The following TIMP3 variants were observed in gnomAD, a reference collection of about 807,000 sequenced individuals.
The protein encoded by TIMP3 is TIMP metallopeptidase inhibitor 3.
Under a neutral mutation model 30.0 loss-of-function variants are expected in TIMP3, and 11 were observed. That is an observed-to-expected ratio of 0.37 (90% confidence interval 0.23 to 0.61). The LOEUF is 0.61. Among genes scored for constraint, TIMP3 ranks in the 20% least tolerant of loss-of-function variants. TIMP3 has a pLI of 0.70. For synonymous variants in TIMP3, 112 were observed against 111.3 expected (o/e 1.01, Z -0.04); for missense variants, 181 against 276.8 (o/e 0.65, Z 2.45).
intron 1 of TIMP3, among the ~76,000 whole-genome samples, chr22:32,832,541 GT>G (rs11295694): frequency 0.098 from 13,605 of 138,468 alleles, 595 homozygotes; most frequent in Middle Eastern, 0.15. Flanking sequence ...ATAAGCCTGG[GT>G]TTTTTTTTTT....
chr22:32,839,996 C>A (rs1386871264), intron 1 of TIMP3, among the ~76,000 whole-genome samples: 1 of 152,078 alleles, frequency 6.6e-6, no homozygotes, highest in Non-Finnish European at 1.5e-5. Flanking sequence ...GGCCCCTCCT[C>A]CCCTTCCCCG....
At chr22:32,804,247 G>A (rs2046665988) in intron 1 of TIMP3, among the ~76,000 whole-genome samples, 1 of 152,182 alleles carries the variant, frequency 6.6e-6, no homozygotes, top group African/African-American at 2.4e-5. Flanking sequence ...ATGAGCTAAT[G>A]CTTTTAAAAT....
intron 1 of TIMP3, among the ~76,000 whole-genome samples, chr22:32,844,219 G>A (rs938082939): frequency 2.0e-5 from 3 of 151,858 alleles, no homozygotes; most frequent in African/African-American, 7.3e-5. Context: ...GATAGAAGCA[G>A]AGAGAGAGAG....
intron 2 of TIMP3, among the ~76,000 whole-genome samples, chr22:32,854,428 G>A (rs2048307698): frequency 6.6e-6 from 1 of 152,154 alleles, no homozygotes; most frequent in Non-Finnish European, 1.5e-5. Flanking sequence ...CGAAGCACTA[G>A]GGCAGTCAAG....
intron 1 of TIMP3, among the ~76,000 whole-genome samples, chr22:32,843,092 T>TC (rs2047960298): frequency 6.6e-6 from 1 of 151,880 alleles, no homozygotes; most frequent in Non-Finnish European, 1.5e-5. Flanking sequence ...TTTTTTTTTT[T>TC]CCCCCACTAG....
At chr22:32,858,301 G>T (rs1401524382) in intron 4 of TIMP3, among the ~76,000 whole-genome samples, 163 bp downstream of exon 4, 1 of 152,172 alleles carries the variant, frequency 6.6e-6, no homozygotes, top group Non-Finnish European at 1.5e-5. Context: ...AAGGATTGTT[G>T]CCCCAGGTGG....
In TIMP3 at chr22:32,802,723, G is replaced by A. The variant is rs1323270843; in HGVS notation, c.121+601G>A. Among the ~76,000 whole-genome samples the A allele has an allele frequency of 8.5e-5, 13 of 152,282 alleles. No homozygotes were observed. The East Asian group carries it at 2.5e-3, about 29-fold the overall frequency. On this transcript the variant is annotated intron_variant, in intron 1 of 4. Coordinates refer to ENST00000266085, the MANE Select transcript of TIMP3 (RefSeq NM_000362.5). ...AGGGGGAAAATGAGGAGAAAGCTGT[G>A]GCATTGACCCACGCCCTGGAGGCAC...
chr22:32,802,325 C>T lies in TIMP3; in HGVS notation c.121+203C>T, dbSNP rs544880129. On this transcript the variant is annotated intron_variant, in intron 1 of 4. Coordinates refer to ENST00000266085, the MANE Select transcript of TIMP3 (RefSeq NM_000362.5). ...GAAGATGCCCTGCAGAGGAAACTCA[C>T]AGTGGCTGAGGGAGCCCCTGGCCGC... is the stretch of plus-strand genomic sequence containing the variant. 1.2e-4 allele frequency among the ~76,000 whole-genome samples: 19 copies of T among 152,258 alleles called. No individual in the cohort carries two copies. The South Asian group carries it at 3.7e-3, about 30-fold the overall frequency.
At position 32,835,466 on chromosome 22, in the gene TIMP3, T is replaced by C. The variant is rs547827795; in HGVS notation, c.122-13986T>C. 3.3e-5 allele frequency among the ~76,000 whole-genome samples: 5 copies of C among 152,258 alleles called. 1 individual carries two copies. The highest frequency in any genetic ancestry group is 9.6e-5 in the African/African-American group (4 of 41,548). ...AAACAGGGGTTCTGTTCTAGTCTTA[T>C]GCTTGCAGGAGGTGGTTGGGGATGG... On this transcript the variant is annotated intron_variant, in intron 1 of 4. Coordinates refer to ENST00000266085, the MANE Select transcript of TIMP3 (RefSeq NM_000362.5).
intron 1 of TIMP3, among the ~76,000 whole-genome samples, chr22:32,849,181 C>A (rs186444625): frequency 7.9e-5 from 12 of 152,206 alleles, no homozygotes; most frequent in African/African-American, 2.6e-4. Flanking sequence ...TCAGGGTCGG[C>A]GGGGGTTGAC....
intron 1 of TIMP3, among the ~76,000 whole-genome samples, chr22:32,823,387 C>G (rs993842556): frequency 1.3e-5 from 2 of 152,108 alleles, no homozygotes; most frequent in African/African-American, 4.8e-5. Flanking sequence ...GGTGGATGTC[C>G]TCTGCCTCTC....
chr22:32,847,448 G>A (rs1369281857), intron 1 of TIMP3, among the ~76,000 whole-genome samples: 1 of 152,166 alleles, frequency 6.6e-6, no homozygotes, highest in African/African-American at 2.4e-5. Context: ...GCCAATGACT[G>A]TGTGTTTTGC....
chr22:32,826,019 T>C (rs1396661709), intron 1 of TIMP3, among the ~76,000 whole-genome samples: 1 of 152,260 alleles, frequency 6.6e-6, no homozygotes, highest in Non-Finnish European at 1.5e-5. Context: ...AGCATAGTTA[T>C]AACTGGACAG....
At chr22:32,819,120 A>C (rs1328084604) in intron 1 of TIMP3, among the ~76,000 whole-genome samples, 1 of 152,234 alleles carries the variant, frequency 6.6e-6, no homozygotes, top group Non-Finnish European at 1.5e-5. Flanking sequence ...CAGATTGCTC[A>C]GGGGAATTTT....
At chr22:32,847,916 C>A (rs775465495) in intron 1 of TIMP3, among the ~76,000 whole-genome samples, 5 of 152,226 alleles carry the variant, frequency 3.3e-5, no homozygotes, top group Admixed American at 6.5e-5. Flanking sequence ...CCTCATCACA[C>A]CCCCTGATAG....
chr22:32,823,486 G>A (rs920297799), intron 1 of TIMP3, among the ~76,000 whole-genome samples: 4 of 152,166 alleles, frequency 2.6e-5, no homozygotes, highest in Non-Finnish European at 1.5e-5. Context: ...CTGTGTCCCA[G>A]CCCCAAAGCA....
chr22:32,830,015 G>A (rs971846464), intron 1 of TIMP3, among the ~76,000 whole-genome samples: 5 of 152,168 alleles, frequency 3.3e-5, no homozygotes, highest in Admixed American at 1.3e-4. Context: ...AATGTCCCTC[G>A]CTTCAACCTG....
chr22:32,830,235 C>T (rs1028740342), intron 1 of TIMP3, among the ~76,000 whole-genome samples: 3 of 152,182 alleles, frequency 2.0e-5, no homozygotes, highest in Non-Finnish European at 4.4e-5. Flanking sequence ...GGGGGCCTCT[C>T]ACAAAACAGT....
chr22:32,852,326 A>G (rs2048242257), intron 2 of TIMP3, among the ~76,000 whole-genome samples: 1 of 152,270 alleles, frequency 6.6e-6, no homozygotes, highest in South Asian at 2.1e-4. Context: ...TGCCCACTCC[A>G]TATGTTTTTA....
Sources: gnomAD v4.1 joint callset for allele counts (sites outside exome capture counted in the v4.1 genomes callset) on GRCh38, gnomAD v4.1.1 for gene constraint, MANE v1.5 for transcripts, NCBI Gene and HGNC (gene_info 2026-07-23, HGNC 2026-07-21) for gene names.